The following ATP8B4 variants were observed in gnomAD, a reference collection of about 807,000 sequenced individuals.
The protein encoded by ATP8B4 is probable phospholipid-transporting ATPase IM.
ATP8B4 carries 133 observed loss-of-function variants against 145.6 expected under a neutral mutation model. The observed-to-expected ratio is 0.91, with a 90% confidence interval of 0.79 to 1.05. ATP8B4 has a LOEUF of 1.05. Among genes scored for constraint, ATP8B4 ranks in the 50% least tolerant of loss-of-function variants. The pLI is 0.00. For missense variants in ATP8B4, 1,458 were observed against 1,425.2 expected, an observed-to-expected ratio of 1.02 and a Z score of -0.37; for synonymous variants, 507 against 492.9, an observed-to-expected ratio of 1.03 and a Z score of -0.38.
intron 2 of ATP8B4, among the ~76,000 whole-genome samples, chr15:50,085,197 G>A (rs879037280): frequency 6.6e-6 from 1 of 152,146 alleles, no homozygotes; most frequent in African/African-American, 2.4e-5. Context: ...AGCTAAACAA[G>A]CTTCAGCTCA....
chr15:49,900,350 G>A (rs2037882989), intron 21 of ATP8B4, among the ~76,000 whole-genome samples: 1 of 152,172 alleles, frequency 6.6e-6, no homozygotes, highest in Admixed American at 6.5e-5. Context: ...TCTACAAGAA[G>A]ATACATTTAT....
intron 7 of ATP8B4, among the ~76,000 whole-genome samples, chr15:50,006,741 G>T (rs900632882): frequency 8.5e-5 from 13 of 152,102 alleles, no homozygotes; most frequent in African/African-American, 3.1e-4. Context: ...GGAAAGGAAG[G>T]ACTTTTCAAA....
At chr15:50,142,389 T>C (rs1474901599) in intron 1 of ATP8B4, among the ~76,000 whole-genome samples, 3 of 152,076 alleles carry the variant, frequency 2.0e-5, no homozygotes, top group Non-Finnish European at 4.4e-5. Context: ...ATAATCACCA[T>C]CAAGGTCAAG....
chr15:50,114,880 T>G (rs757031892), intron 1 of ATP8B4, among the ~76,000 whole-genome samples: 5 of 152,224 alleles, frequency 3.3e-5, no homozygotes, highest in Non-Finnish European at 7.3e-5. Flanking sequence ...AACCATGTCC[T>G]CCCTCTACTG....
At chr15:49,979,500 G>A (rs2045971920) in intron 12 of ATP8B4, 117 bp downstream of exon 12, 1 of 779,434 alleles carries the variant, frequency 1.3e-6, no homozygotes, top group Non-Finnish European at 1.9e-6. Context: ...AGATGTTGCA[G>A]ATCATAAGCA....
At chr15:50,003,171 T>G (rs1198679436) in intron 7 of ATP8B4, among the ~76,000 whole-genome samples, 3 of 152,130 alleles carry the variant, frequency 2.0e-5, no homozygotes, top group Non-Finnish European at 4.4e-5. Context: ...TTTAAAAACA[T>G]TAGAATTGCT....
At chr15:50,001,057 C>CT (rs138509049) in intron 8 of ATP8B4, among the ~76,000 whole-genome samples, 2,441 of 150,924 alleles carry the variant, frequency 0.016, 79 homozygotes, top group African/African-American at 0.057. Flanking sequence ...TGTGTCTTCT[C>CT]TTTTTTTTTC....
intron 6 of ATP8B4, among the ~76,000 whole-genome samples, chr15:50,017,978 ATTC>A (rs1355619877): frequency 8.5e-5 from 12 of 140,548 alleles, no homozygotes; most frequent in African/African-American, 3.1e-4. Context: ...CATAAGTCGA[ATTC>A]TTTTTTTTTC....
At position 50,017,569 on chromosome 15, in the gene ATP8B4, C is replaced by T. The variant is rs139860077; in HGVS notation, c.363-6652G>A. ...ATATCTTAGTTCCAGGATAAAAGGC[C>T]TATGTTATATTTTTTCATTGCCTCT... On this transcript the variant is annotated intron_variant, in intron 6 of 27. Coordinates refer to ENST00000284509, the MANE Select transcript of ATP8B4 (RefSeq NM_024837.4). Among the ~76,000 whole-genome samples, 5 of 152,190 alleles carry T rather than the reference C, an allele frequency of 3.3e-5. No homozygotes were observed. In the East Asian group the frequency reaches 9.7e-4, roughly 29 times the overall value.
chr15:50,067,230 G>C (rs757188217), intron 3 of ATP8B4, among the ~76,000 whole-genome samples: 1 of 152,076 alleles, frequency 6.6e-6, no homozygotes, highest in South Asian at 2.1e-4. Flanking sequence ...GGCCATTTCC[G>C]TTTGGGGATT....
chr15:50,097,732 CTCA>C (rs1353990300), intron 2 of ATP8B4, among the ~76,000 whole-genome samples: 2 of 152,150 alleles, frequency 1.3e-5, no homozygotes, highest in Non-Finnish European at 2.9e-5. Context: ...GTATATAATG[CTCA>C]TGTCAGCCAT....
chr15:49,972,475 TA>T, intron 13 of ATP8B4, 106 bp downstream of exon 13: 1 of 1,084,088 alleles, frequency 9.2e-7, no homozygotes, highest in Non-Finnish European at 1.3e-6. Flanking sequence ...CCCATATTAA[TA>T]AGAAAGCCAG....
At chr15:50,026,282 T>C (rs567103713) in intron 6 of ATP8B4, among the ~76,000 whole-genome samples, 1 of 152,358 alleles carries the variant, frequency 6.6e-6, no homozygotes, top group African/African-American at 2.4e-5. Flanking sequence ...ACTTAAAGCC[T>C]GAGAGGAACC....
At chr15:50,037,960 A>G (rs562007362) in intron 6 of ATP8B4, among the ~76,000 whole-genome samples, 1 of 152,256 alleles carries the variant, frequency 6.6e-6, no homozygotes, top group Non-Finnish European at 1.5e-5. Flanking sequence ...TCCCTCACAT[A>G]TGGCTAATTC....
At chr15:50,061,673 T>A (rs996081890) in intron 3 of ATP8B4, among the ~76,000 whole-genome samples, 1 of 152,176 alleles carries the variant, frequency 6.6e-6, no homozygotes, top group Non-Finnish European at 1.5e-5. Flanking sequence ...TAGGTTTAGA[T>A]CTACTTAACA....
intron 1 of ATP8B4, among the ~76,000 whole-genome samples, chr15:50,161,985 TGTCTTGAA>T (rs1442352128): frequency 6.6e-6 from 1 of 152,210 alleles, no homozygotes; most frequent in African/African-American, 2.4e-5. Flanking sequence ...AGCATTAGTT[TGTCTTGAA>T]GTCTTTCTTT....
At chr15:50,077,955 C>A (rs193286034) in intron 2 of ATP8B4, among the ~76,000 whole-genome samples, 1 of 152,076 alleles carries the variant, frequency 6.6e-6, no homozygotes, top group African/African-American at 2.4e-5. Flanking sequence ...AAAGGAGAGG[C>A]CTGGCAGAGA....
chr15:49,904,378 G>A (rs1367532409), intron 20 of ATP8B4, among the ~76,000 whole-genome samples: 1 of 152,148 alleles, frequency 6.6e-6, no homozygotes, highest in African/African-American at 2.4e-5. Context: ...TTCATGAAAT[G>A]GGACCAGCCA....
chr15:49,917,017 A>T lies in ATP8B4; in HGVS notation c.2058T>A (p.Tyr686Ter). The change falls in exon 20 of 28, where the codon TAT (tyrosine) becomes TAA (stop). Residue 686 changes from tyrosine (Y) to a stop codon, truncating the protein, a stop_gained. Coordinates refer to ENST00000284509, the MANE Select transcript of ATP8B4 (RefSeq NM_024837.4). LOFTEE classifies it high-confidence loss of function. ...DKQETAINIG[Y>*]ACNMLTDDMN... ...TGTCGTCAGTCAGCATGTTGCAGGC[A>T]TAACCGATGTTGATGGCAGTTTCTA... 6.2e-7 allele frequency: 1 copy of T among 1,613,988 alleles called. No homozygotes were observed. The highest frequency in any genetic ancestry group is 8.5e-7 in the Non-Finnish European group (1 of 1,179,904).
Sources: gnomAD v4.1 joint callset for allele counts (sites outside exome capture counted in the v4.1 genomes callset) on GRCh38, gnomAD v4.1.1 for gene constraint, MANE v1.5 for transcripts, NCBI Gene and HGNC (gene_info 2026-07-23, HGNC 2026-07-21) for gene names.